Variants in ABCA13 observed in about 807,000 individuals in gnomAD.
ABCA13 encodes ATP binding cassette subfamily A member 13, also known as ATP-binding cassette sub-family A member 13.
Under a neutral mutation model 478.7 loss-of-function variants are expected in ABCA13, and 476 were observed. That is an observed-to-expected ratio of 0.99 (90% CI 0.92 to 1.07). The LOEUF (loss-of-function observed/expected upper bound fraction) is 1.07. ABCA13 is among the 50% of genes least tolerant of loss of function. ABCA13 has a pLI of 0.00. For missense variants in ABCA13, 6,060 were observed against 5,910.6 expected, an observed-to-expected ratio of 1.03 and a Z score of -0.83; for synonymous variants, 2,252 against 2,158.9, an observed-to-expected ratio of 1.04 and a Z score of -1.20.
intron 10 of ABCA13, among the ~76,000 whole-genome samples, chr7:48,241,805 C>A (rs966526272): frequency 9.2e-5 from 14 of 152,220 alleles, no homozygotes; most frequent in Non-Finnish European, 1.9e-4. Context: ...CTTATGATTA[C>A]TTAAGAAATA....
At chr7:48,527,581 A>G (rs4072503) in intron 54 of ABCA13, among the ~76,000 whole-genome samples, 21,072 of 152,176 alleles carry the variant, frequency 0.14, 1,828 homozygotes, top group African/African-American at 0.23. Flanking sequence ...CATTTTTCAC[A>G]TTGGCTGTAA....
chr7:48,507,257 G>A (rs1831298080), intron 49 of ABCA13, among the ~76,000 whole-genome samples: 1 of 152,208 alleles, frequency 6.6e-6, no homozygotes, highest in African/African-American at 2.4e-5. Flanking sequence ...GTTCCATCGT[G>A]TCGGCCTCCT....
chr7:48,483,980 A>C (rs1046251619), intron 47 of ABCA13, among the ~76,000 whole-genome samples: 2 of 152,186 alleles, frequency 1.3e-5, no homozygotes, highest in African/African-American at 4.8e-5. Flanking sequence ...TAGTGTGTGG[A>C]TGTTGTGTCT....
intron 3 of ABCA13, among the ~76,000 whole-genome samples, chr7:48,200,710 C>T (rs1012164865): frequency 6.6e-6 from 1 of 152,116 alleles, no homozygotes; most frequent in African/African-American, 2.4e-5. Context: ...GAGTGAAGCA[C>T]GCTGTCAGTA....
In ABCA13 at chr7:48,239,475, C is replaced by T. The variant is rs557423069; in HGVS notation, c.1062+70C>T. 61 of 1,482,678 alleles carry T rather than the reference C, an allele frequency of 4.1e-5. No homozygotes were observed. In the South Asian group the frequency reaches 8.1e-4, roughly 20 times the overall value. The allele number at this position is 1,482,678 out of a possible 1,614,324, so 91.8% of individuals were successfully genotyped here. On this transcript the variant is annotated intron_variant, in intron 9 of 61. Transcript: ENST00000435803. ...TGAGTGTCCAAATCCATTCTCCTCC[C>T]CTGCCCTGCCATGTTTACTGTTGGA...
chr7:48,589,006 G>C (rs1789474644), intron 57 of ABCA13, among the ~76,000 whole-genome samples: 1 of 152,066 alleles, frequency 6.6e-6, no homozygotes, highest in South Asian at 2.1e-4. Context: ...TTATTTTCCT[G>C]TTCAGTGCTT....
intron 48 of ABCA13, among the ~76,000 whole-genome samples, chr7:48,495,889 A>G (rs1362732947): frequency 6.6e-6 from 1 of 152,068 alleles, no homozygotes. Flanking sequence ...GTTGCTGTGA[A>G]ATCTATTTTA....
At position 48,481,009 on chromosome 7, in the gene ABCA13, T is replaced by C; in HGVS notation, c.12976-27T>C. On this transcript the variant is annotated intron_variant, in intron 45 of 61. Transcript: ENST00000435803. The stretch of plus-strand genomic sequence containing the variant: ...AGTTTGTGAATTATAAAAAAGTTTG[T>C]TTTTATCTTTTTGAAAACAATTTCA... 5 of 1,497,052 alleles carry C rather than the reference T, an allele frequency of 3.3e-6. No individual in the cohort carries two copies. In the South Asian group the frequency reaches 6.1e-5, roughly 18 times the overall value. The allele number at this position is 1,497,052 out of a possible 1,614,324, so 92.7% of individuals were successfully genotyped here. A position where few individuals can be genotyped will look rare whatever the true frequency, so the allele number is the denominator to read the frequency against.
intron 53 of ABCA13, among the ~76,000 whole-genome samples, chr7:48,521,203 T>TC (rs1048748265): frequency 6.6e-6 from 1 of 152,030 alleles, no homozygotes; most frequent in African/African-American, 2.4e-5. Context: ...ATGGTTGGCT[T>TC]CCCCCCCATA....
At chr7:48,331,932 C>G (rs57426846) in intron 27 of ABCA13, among the ~76,000 whole-genome samples, 2 of 152,162 alleles carry the variant, frequency 1.3e-5, no homozygotes, top group East Asian at 1.9e-4. Flanking sequence ...TGCCAGCCAC[C>G]AATCAGGTCT....
chr7:48,326,131 T>A lies in ABCA13; in HGVS notation c.9999+8835T>A, dbSNP rs144059921. Among the ~76,000 whole-genome samples the A allele has an allele frequency of 5.3e-5, 8 of 152,244 alleles. No individual in the cohort carries two copies. The East Asian group carries it at 1.5e-3, about 29-fold the overall frequency. ...GTTATGCGCATTGCAGGAGCTGAGG[T>A]TTAGAGAAGCTAGATGTGGGGGAAT... On this transcript the variant is annotated intron_variant, in intron 27 of 61. Coordinates refer to ENST00000435803, the MANE Select transcript of ABCA13 (RefSeq NM_152701.5).
At position 48,389,981 on chromosome 7, in the gene ABCA13, A is replaced by T. The variant is rs1035214749; in HGVS notation, c.11654+761A>T. ...GAAAAATAACACATGAAACTTCAGA[A>T]ATCTCATACTGAAAAAATAGAAAGA... On this transcript the variant is annotated intron_variant, in intron 37 of 61. Transcript: ENST00000435803. Among the ~76,000 whole-genome samples the T allele has an allele frequency of 4.6e-5, 7 of 152,344 alleles. No homozygotes were observed. The East Asian group carries it at 1.3e-3, about 29-fold the overall frequency.
chr7:48,595,793 G>A (rs978000330), intron 58 of ABCA13, among the ~76,000 whole-genome samples: 1 of 152,190 alleles, frequency 6.6e-6, no homozygotes, highest in African/African-American at 2.4e-5. Context: ...TTCCATGGTT[G>A]TTTGCTACTA....
chr7:48,615,816 A>G (rs780088333), intron 59 of ABCA13, among the ~76,000 whole-genome samples: 1 of 152,158 alleles, frequency 6.6e-6, no homozygotes, highest in Non-Finnish European at 1.5e-5. Context: ...AAGACCATCA[A>G]TTTATAAGGG....
chr7:48,279,895 C>A lies in ABCA13; in HGVS notation c.8701C>A (p.Gln2901Lys). 1 of 1,522,848 alleles carries A rather than the reference C, an allele frequency of 6.6e-7. No homozygotes were observed. The highest frequency in any genetic ancestry group is 1.4e-5 in the South Asian group (1 of 73,330). The allele number at this position is 1,522,848 out of a possible 1,614,324, so 94.3% of individuals were successfully genotyped here. A position where few individuals can be genotyped will look rare whatever the true frequency, so the allele number is the denominator to read the frequency against. Residue 2901 changes from glutamine (Q) to lysine (K), a missense_variant, in exon 18 of 62, where the codon CAA becomes AAA. Physicochemically the swap from Gln to Lys is moderately conservative, Grantham distance 53 (BLOSUM62 1). Around this residue, in one of 3 missense-constraint regions of ABCA13, gnomAD observed 4,423 missense variants for 4,309.1 expected, o/e 1.03. Transcript: ENST00000435803. ...ATTATTTGTATTGACTAAATACTGG[C>A]AACAAATCCCACTAACAGATCAAAG... is the stretch of plus-strand genomic sequence containing the variant. The part of the protein sequence containing the change: ...GGLFVLTKYW[Q>K]QIPLTDQSVV...
At chr7:48,572,293 A>C (rs1787741361) in intron 55 of ABCA13, among the ~76,000 whole-genome samples, 2 of 152,070 alleles carry the variant, frequency 1.3e-5, no homozygotes, top group African/African-American at 4.8e-5. Context: ...TTTCTAGCTC[A>C]ATTTTTGACT....
Position 48,507,975 on chromosome 7 carries a change from G to T in ABCA13, c.13450G>T (p.Gly4484Ter). Residue 4484 changes from glycine (G) to a stop codon, truncating the protein, a stop_gained, in exon 50 of 62, where the codon GGA (glycine) becomes TGA (stop). Coordinates refer to ENST00000435803, the MANE Select transcript of ABCA13 (RefSeq NM_152701.5). LOFTEE classifies it high-confidence loss of function. The stretch of plus-strand genomic sequence containing the variant: ...CTCTGTGGTGAGGGACAGGGTGATT[G>T]GAGCCAAAAGGTTGCAGCACATAAG... ...GSSVVRDRVIGAKRLQHISGL... is the reference protein window; with the variant it reads ...GSSVVRDRVI 3 of 1,613,852 alleles carry T rather than the reference G, an allele frequency of 1.9e-6. No homozygotes were observed. Among genetic ancestry groups the T allele is most frequent in the Non-Finnish European group, 2.5e-6 (3 of 1,179,828 alleles).
rs1297105363 is a variant in ABCA13, at chr7:48,227,138, TTAAG to T, written c.469-122_469-119del. On this transcript the variant is annotated intron_variant, in intron 5 of 61. Coordinates refer to ENST00000435803, the MANE Select transcript of ABCA13 (RefSeq NM_152701.5). The stretch of plus-strand genomic sequence containing the variant: ...CAAATCTGTTCAATGTAGTGATATA[TTAAG>T]TGTGAGTTTCTACTAGGAGAATGTC... The T allele has an allele frequency of 5.8e-6, 5 of 864,202 alleles. No individual in the cohort carries two copies. The East Asian group carries it at 1.2e-4, about 21-fold the overall frequency. The allele number at this position is 864,202 out of a possible 1,614,324, so 53.5% of individuals were successfully genotyped here.
chr7:48,517,857 A>T (rs531184008), intron 52 of ABCA13, among the ~76,000 whole-genome samples: 1 of 152,300 alleles, frequency 6.6e-6, no homozygotes, highest in South Asian at 2.1e-4. Flanking sequence ...TGGAAAAGGT[A>T]CTGAGCTCCT....
Sources: gnomAD v4.1 joint callset for allele counts (sites outside exome capture counted in the v4.1 genomes callset) on GRCh38, gnomAD v4.1.1 for gene constraint, gnomAD v4.1.1 regional missense constraint, MANE v1.5 for transcripts, NCBI Gene and HGNC (gene_info 2026-07-23, HGNC 2026-07-21) for gene names.